The following ANK2 variants were observed in gnomAD, a reference collection of about 807,000 sequenced individuals.
The protein encoded by ANK2 is ankyrin 2, also known as ankyrin-2.
Under a neutral mutation model 360.5 loss-of-function variants are expected in ANK2, and 83 were observed. The observed-to-expected ratio is 0.23, with a 90% CI of 0.19 to 0.28. ANK2 has a LOEUF of 0.28. Ranked by LOEUF, ANK2 falls within the 10% of genes least tolerant of loss-of-function variation. The pLI is 1.00. For synonymous variants in ANK2, 1,740 were observed against 1,759.5 expected, an observed-to-expected ratio of 0.99 and a Z score of 0.28; for missense variants, 4,201 against 4,795.7, an observed-to-expected ratio of 0.88 and a Z score of 3.66.
chr4:113,375,275 G>A (rs1009271922), intron 45 of ANK2, among the ~76,000 whole-genome samples: 2 of 152,092 alleles, frequency 1.3e-5, no homozygotes, highest in African/African-American at 4.8e-5. Context: ...CAATTAATAA[G>A]GGAAAGAAAT....
At chr4:112,813,353 A>T (rs541873125), upstream of ANK2, among the ~76,000 whole-genome samples, 1 of 152,216 alleles carries the variant, frequency 6.6e-6, no homozygotes, top group Non-Finnish European at 1.5e-5. Flanking sequence ...TGTTTCCCAA[A>T]AGCAGAATTT....
chr4:113,194,869 G>T (rs911425672), intron 2 of ANK2, among the ~76,000 whole-genome samples: 6 of 151,998 alleles, frequency 3.9e-5, no homozygotes, highest in Admixed American at 3.9e-4. Flanking sequence ...TGCTTTAGTT[G>T]TTTCCCATTT....
intron 1 of ANK2, among the ~76,000 whole-genome samples, chr4:113,100,009 C>T (rs1353961542): frequency 4.6e-5 from 7 of 151,842 alleles, no homozygotes; most frequent in Non-Finnish European, 8.8e-5. Flanking sequence ...AAATGTAAAA[C>T]GATGAAACTT....
At chr4:113,346,547 T>C (rs1170623566) in intron 35 of ANK2, among the ~76,000 whole-genome samples, 1 of 152,174 alleles carries the variant, frequency 6.6e-6, no homozygotes, top group African/African-American at 2.4e-5. Context: ...TTCGAACTTA[T>C]CATATTTTAG....
chr4:112,991,305 C>A (rs908557151), intron 2 of ANK2, among the ~76,000 whole-genome samples: 3 of 151,450 alleles, frequency 2.0e-5, no homozygotes, highest in African/African-American at 7.3e-5. Flanking sequence ...ATTAAAAACC[C>A]TGTAGCACTC....
chr4:113,358,988 C>G lies in ANK2; in HGVS notation c.10370C>G (p.Thr3457Arg). Residue 3457 changes from threonine (T) to arginine (R), a missense_variant, in exon 38 of 46, where the codon ACG becomes AGG. Thr to Arg is a moderately conservative substitution (Grantham distance 71, BLOSUM62 -1). Coordinates refer to ENST00000357077, the MANE Select transcript of ANK2 (RefSeq NM_001148.6). ...RSTTSSCRGG[T>R]SPTKESKEHF... ...ACTACATCTTCCTGCAGGGGGGGCACGAGCCCCACAAAAGAAAGTAAGGAG... is the reference window on the plus strand; with the variant it reads ...ACTACATCTTCCTGCAGGGGGGGCAGGAGCCCCACAAAAGAAAGTAAGGAG... 6.2e-7 allele frequency: 1 copy of G among 1,614,012 alleles called. No individual in the cohort carries two copies. Among genetic ancestry groups the G allele is most frequent in the East Asian group, 2.2e-5 (1 of 44,862 alleles).
intron 1 of ANK2, among the ~76,000 whole-genome samples, chr4:112,876,967 T>C (rs529283549): frequency 6.6e-6 from 1 of 152,166 alleles, no homozygotes; most frequent in East Asian, 1.9e-4. Context: ...AACCCATAAT[T>C]TTTTTCTACC....
intron 5 of ANK2, among the ~76,000 whole-genome samples, chr4:113,236,176 A>G (rs1303583190): frequency 6.6e-6 from 1 of 151,944 alleles, no homozygotes; most frequent in Non-Finnish European, 1.5e-5. Context: ...AGCCTAAAAT[A>G]TATTATTTTT....
rs1223004720 is a variant in ANK2, at chr4:113,343,350, G to C, written c.4248+208G>C. Among the ~76,000 whole-genome samples, 3 of 152,058 alleles carry C rather than the reference G, an allele frequency of 2.0e-5. No individual in the cohort carries two copies. The East Asian group carries it at 5.8e-4, about 29-fold the overall frequency. ...TGAATTTTTATAGACTATATTTAAG[G>C]ATGAGAACAGGACAAATAATAGCCA... On this transcript the variant is annotated intron_variant, in intron 34 of 45. Coordinates refer to ENST00000357077, the MANE Select transcript of ANK2 (RefSeq NM_001148.6).
chr4:112,930,231 G>A (rs1322021575), intron 2 of ANK2, among the ~76,000 whole-genome samples: 1 of 151,936 alleles, frequency 6.6e-6, no homozygotes, highest in Non-Finnish European at 1.5e-5. Flanking sequence ...GATTGTTTGA[G>A]CCAAGGAGTT....
At chr4:113,301,347 C>T (rs980476603) in intron 22 of ANK2, among the ~76,000 whole-genome samples, 2 of 149,838 alleles carry the variant, frequency 1.3e-5, no homozygotes, top group African/African-American at 4.9e-5. Flanking sequence ...AAAAATTGTA[C>T]ATATTTATGG....
intron 2 of ANK2, among the ~76,000 whole-genome samples, chr4:112,992,746 A>G (rs999396028): frequency 6.6e-6 from 1 of 152,154 alleles, no homozygotes; most frequent in Non-Finnish European, 1.5e-5. Flanking sequence ...TCTAAACTTA[A>G]TCACCTTTCA....
intron 23 of ANK2, among the ~76,000 whole-genome samples, chr4:113,305,293 T>TC (rs1202065247): frequency 3.4e-5 from 4 of 118,308 alleles, no homozygotes; most frequent in Non-Finnish European, 6.4e-5. Context: ...TGAGCCGAGA[T>TC]CCCGCCACTG....
At chr4:112,708,332 C>G in the ANK2 span, among the ~76,000 whole-genome samples, 1 of 151,892 alleles carries the variant, frequency 6.6e-6, no homozygotes, top group Non-Finnish European at 1.5e-5. Flanking sequence ...CTTTCTGAAC[C>G]ATGTAAAAAT....
In ANK2 at chr4:113,107,427, TG is replaced by T. The variant is rs2093765493; in HGVS notation, c.84+57616del. 2.0e-5 allele frequency among the ~76,000 whole-genome samples: 3 copies of T among 152,230 alleles called. No homozygotes were observed. The South Asian group carries it at 6.2e-4, about 32-fold the overall frequency. ...AGATGGGGTTTTGCCATGTTGGCCA[TG>T]CAGGTCTTGAACTCCTGACCTCAGG... On this transcript the variant is annotated intron_variant, in intron 1 of 45. Coordinates refer to ENST00000357077, the MANE Select transcript of ANK2 (RefSeq NM_001148.6).
Position 113,116,705 on chromosome 4 carries a change from A to G in ANK2, c.85-57711A>G, listed in dbSNP as rs964751470. On this transcript the variant is annotated intron_variant, in intron 1 of 45. Coordinates refer to ENST00000357077, the MANE Select transcript of ANK2 (RefSeq NM_001148.6). The stretch of plus-strand genomic sequence containing the variant: ...GCAGTAACAGCAGTAGCACGGCAGC[A>G]GCAGCAGCAGCAGCAGCAGAGTCCT... Among the ~76,000 whole-genome samples, 6 of 152,250 alleles carry G rather than the reference A, an allele frequency of 3.9e-5. No homozygotes were observed. In the East Asian group the frequency reaches 5.8e-4, roughly 15 times the overall value.
At chr4:113,039,659 G>T (rs1318177324) in intron 2 of ANK2, among the ~76,000 whole-genome samples, 1 of 151,870 alleles carries the variant, frequency 6.6e-6, no homozygotes, top group East Asian at 1.9e-4. Context: ...ACTGAATTAG[G>T]AATAAGAAAA....
At chr4:112,826,382 G>A (rs1049755077) in intron 1 of ANK2, 1 of 1,001,952 alleles carries the variant, frequency 1.0e-6, no homozygotes, top group African/African-American at 1.6e-5. Context: ...AACCTGAAAA[G>A]CCAGTTGTCC....
rs567825384 is a variant in ANK2, at chr4:112,859,249, A to G, written c.-40+40985A>G. ...TGAATAATATGTCTAGCACAGGTTT[A>G]AACGGTCACTTGGCCCTTCCTGGGC... On this transcript the variant is annotated intron_variant, in intron 1 of 30. Coordinates refer to the ANK2 transcript ENST00000503271. Among the ~76,000 whole-genome samples, 7 of 152,380 alleles carry G rather than the reference A, an allele frequency of 4.6e-5. No individual in the cohort carries two copies. In the South Asian group the frequency reaches 1.5e-3, roughly 32 times the overall value.
Sources: allele counts gnomAD v4.1 joint callset (sites outside exome capture counted in the v4.1 genomes callset), GRCh38; gene constraint gnomAD v4.1.1; transcripts MANE v1.5; gene names NCBI Gene and HGNC (gene_info 2026-07-23, HGNC 2026-07-21).